The following PITPNC1 variants were observed in gnomAD, a reference collection of about 807,000 sequenced individuals.
PITPNC1 encodes cytoplasmic phosphatidylinositol transfer protein 1.
Under a neutral mutation model 44.7 loss-of-function variants are expected in PITPNC1, and 18 were observed. The ratio of observed to expected loss-of-function variants is 0.40; its 90% confidence interval spans 0.28 to 0.60. PITPNC1 has a LOEUF of 0.60. Ranked by LOEUF, PITPNC1 falls within the 20% of genes least tolerant of loss-of-function variation. The pLI is 0.39. For synonymous variants in PITPNC1, 141 were observed against 149.6 expected, an observed-to-expected ratio of 0.94 and a Z score of 0.42; for missense variants, 290 against 418.4, an observed-to-expected ratio of 0.69 and a Z score of 2.68.
intron 1 of PITPNC1, among the ~76,000 whole-genome samples, chr17:67,478,039 A>C (rs191633263): frequency 6.6e-6 from 1 of 152,294 alleles, no homozygotes; most frequent in Non-Finnish European, 1.5e-5. Flanking sequence ...AGATTCTCTT[A>C]CATTACCTCT....
intron 6 of PITPNC1, among the ~76,000 whole-genome samples, chr17:67,652,130 C>T (rs1291082369): frequency 2.0e-5 from 3 of 152,200 alleles, no homozygotes; most frequent in Non-Finnish European, 2.9e-5. Context: ...TTTCAATTAA[C>T]AGGGCAAGCC....
At chr17:67,505,894 A>T (rs924487648) in intron 1 of PITPNC1, among the ~76,000 whole-genome samples, 1 of 152,060 alleles carries the variant, frequency 6.6e-6, no homozygotes, top group Admixed American at 6.6e-5. Flanking sequence ...TTTCCCTCGC[A>T]ATTCTTTTGA....
chr17:67,674,324 C>T (rs2042564098), intron 7 of PITPNC1, among the ~76,000 whole-genome samples: 1 of 151,766 alleles, frequency 6.6e-6, no homozygotes, highest in Non-Finnish European at 1.5e-5. Context: ...GACAACATGG[C>T]GAAACCCTGT....
chr17:67,671,437 C>T (rs2042510176), intron 7 of PITPNC1, among the ~76,000 whole-genome samples: 2 of 152,244 alleles, frequency 1.3e-5, no homozygotes, highest in South Asian at 4.2e-4. Flanking sequence ...ATTTTGGAGT[C>T]ACTGGAATTT....
intron 1 of PITPNC1, among the ~76,000 whole-genome samples, chr17:67,521,073 G>A (rs993284150): frequency 6.6e-6 from 1 of 152,144 alleles, no homozygotes; most frequent in Non-Finnish European, 1.5e-5. Context: ...CAGTCAAGTA[G>A]ATTATGCTCC....
chr17:67,589,604 CA>C (rs10714478), intron 5 of PITPNC1, among the ~76,000 whole-genome samples: 71,608 of 126,294 alleles, frequency 0.57, 18,753 homozygotes, highest in South Asian at 0.64. Flanking sequence ...ATAATTGACT[CA>C]AAAAAAAAAA....
intron 1 of PITPNC1, among the ~76,000 whole-genome samples, chr17:67,511,807 C>A (rs959479157): frequency 6.6e-6 from 1 of 152,106 alleles, no homozygotes; most frequent in South Asian, 2.1e-4. Flanking sequence ...TTGCACCCAG[C>A]CTGGCTAGCT....
intron 4 of PITPNC1, among the ~76,000 whole-genome samples, chr17:67,554,466 C>T (rs1217109050): frequency 6.6e-6 from 1 of 152,062 alleles, no homozygotes; most frequent in African/African-American, 2.4e-5. Flanking sequence ...CCATGTTGGC[C>T]AGGCTGGTCT....
chr17:67,577,918 A>T (rs946819396), intron 4 of PITPNC1, among the ~76,000 whole-genome samples: 1 of 152,128 alleles, frequency 6.6e-6, no homozygotes, highest in Non-Finnish European at 1.5e-5. Context: ...GTCACAGAAC[A>T]TATTCCTTTT....
At chr17:67,449,715 C>T (rs1020364037) in intron 1 of PITPNC1, among the ~76,000 whole-genome samples, 2 of 152,162 alleles carry the variant, frequency 1.3e-5, no homozygotes, top group African/African-American at 4.8e-5. Context: ...AAAAAGTTGT[C>T]ATATACAGCT....
chr17:67,378,417 G>T (rs2037903666), intron 1 of PITPNC1, among the ~76,000 whole-genome samples: 1 of 152,160 alleles, frequency 6.6e-6, no homozygotes, highest in Non-Finnish European at 1.5e-5. Context: ...GACTCCGGGT[G>T]GGCTTTTCGG....
In PITPNC1 at chr17:67,510,388, G is replaced by A. The variant is rs1273447963; in HGVS notation, c.49-22414G>A. Among the ~76,000 whole-genome samples the A allele has an allele frequency of 3.9e-5, 6 of 152,090 alleles. No individual in the cohort carries two copies. The East Asian group carries it at 7.7e-4, about 20-fold the overall frequency. ...ATCCCTGCGTCCAGAGCTGATGTGC[G>A]CACCCCTTTCCTTCTCTCCAAGACC... On this transcript the variant is annotated intron_variant, in intron 1 of 8. Coordinates refer to ENST00000581322, the MANE Select transcript of PITPNC1 (RefSeq NM_012417.4).
At chr17:67,621,915 G>C (rs1032008811) in intron 5 of PITPNC1, among the ~76,000 whole-genome samples, 1 of 152,108 alleles carries the variant, frequency 6.6e-6, no homozygotes, top group Non-Finnish European at 1.5e-5. Context: ...CCAGGAGTTT[G>C]AGACGCACCT....
intron 5 of PITPNC1, among the ~76,000 whole-genome samples, chr17:67,605,985 C>G (rs2570039): frequency 0.021 from 3,158 of 152,286 alleles, 123 homozygotes; most frequent in African/African-American, 0.072. Flanking sequence ...GAATAGCTGA[C>G]AAAACTGAGA....
chr17:67,642,039 C>T (rs985447866), intron 6 of PITPNC1, among the ~76,000 whole-genome samples: 5 of 151,918 alleles, frequency 3.3e-5, no homozygotes, highest in Admixed American at 6.6e-5. Flanking sequence ...CCACACCCTG[C>T]GGCTACATTA....
chr17:67,466,556 C>T (rs2143988633), intron 1 of PITPNC1, among the ~76,000 whole-genome samples: 1 of 152,314 alleles, frequency 6.6e-6, no homozygotes, highest in East Asian at 1.9e-4. Flanking sequence ...CTTTTTCTAA[C>T]TCATCCCTTT....
At chr17:67,563,756 C>A (rs2040936135) in intron 4 of PITPNC1, among the ~76,000 whole-genome samples, 1 of 152,210 alleles carries the variant, frequency 6.6e-6, no homozygotes, top group Non-Finnish European at 1.5e-5. Flanking sequence ...GGGACAGGAA[C>A]CACTTGAAGC....
intron 1 of PITPNC1, among the ~76,000 whole-genome samples, chr17:67,392,163 G>A (rs999062561): frequency 4.6e-5 from 7 of 152,152 alleles, no homozygotes; most frequent in Admixed American, 1.3e-4. Context: ...ACACACAAGC[G>A]ATACCATCAT....
At chr17:67,689,886 A>G (rs2042888702) in intron 8 of PITPNC1, among the ~76,000 whole-genome samples, 1 of 152,330 alleles carries the variant, frequency 6.6e-6, no homozygotes, top group South Asian at 2.1e-4. Context: ...TCTCAACTTT[A>G]TTGTGAAATA....
Sources: gnomAD v4.1 joint callset for allele counts (sites outside exome capture counted in the v4.1 genomes callset) on GRCh38, gnomAD v4.1.1 for gene constraint, MANE v1.5 for transcripts, NCBI Gene and HGNC (gene_info 2026-07-23, HGNC 2026-07-21) for gene names.